RPF2: variants seen among roughly 807,000 people sequenced by gnomAD.
RPF2 encodes brix domain containing 1.
Under a neutral mutation model 38.9 loss-of-function variants are expected in RPF2, and 21 were observed. The observed-to-expected ratio is 0.54, with a 90% CI of 0.38 to 0.78. The LOEUF (loss-of-function observed/expected upper bound fraction) is 0.78, where lower values mean the gene tolerates loss of function less well. Among genes scored for constraint, RPF2 ranks in the 30% least tolerant of loss-of-function variants. The pLI, the probability that RPF2 is intolerant of heterozygous loss-of-function variation, is 0.00. For missense variants in RPF2, 314 were observed against 358.1 expected (o/e 0.88, Z 0.99); for synonymous variants, 121 against 126.2 (o/e 0.96, Z 0.28).
chr6:111,011,304 C>CTT lies in RPF2; in HGVS notation c.493+3169_493+3170dup, dbSNP rs1454902179. Among the ~76,000 whole-genome samples the CTT allele has an allele frequency of 3.7e-4, 42 of 114,340 alleles. No homozygotes were observed. In the East Asian group the frequency reaches 0.026, roughly 70 times the overall value. 75.0% of individuals were successfully genotyped at this position (114,340 alleles called of 152,430 possible). On this transcript the variant is annotated intron_variant, in intron 7 of 9. Transcript: ENST00000441448. ...TCTTTCTTTCTTTCTTTCTTTCTTT[C>CTT]TTTCTTTTTTTTTTTGAGACATAGT...
At chr6:111,007,319 C>CT (rs1453847336) in intron 6 of RPF2, among the ~76,000 whole-genome samples, 1 of 152,106 alleles carries the variant, frequency 6.6e-6, no homozygotes, top group Non-Finnish European at 1.5e-5. Flanking sequence ...TTTGCGTAGA[C>CT]TAATGTTAAA....
intron 1 of RPF2, among the ~76,000 whole-genome samples, chr6:110,983,767 T>C (rs1771471745): frequency 6.6e-6 from 1 of 151,024 alleles, no homozygotes. Context: ...GGCTCACGCC[T>C]GTAATCCCAG....
chr6:110,989,483 C>A (rs1330525172), intron 3 of RPF2, among the ~76,000 whole-genome samples: 1 of 152,036 alleles, frequency 6.6e-6, no homozygotes, highest in East Asian at 1.9e-4. Flanking sequence ...AGACGGAGTC[C>A]TGTTGTCGCC....
At chr6:111,019,507 C>T (rs999544281) in intron 8 of RPF2, among the ~76,000 whole-genome samples, 2 of 151,614 alleles carry the variant, frequency 1.3e-5, no homozygotes, top group African/African-American at 2.4e-5. Flanking sequence ...GAGGCTGAGG[C>T]GGGTGGATCA....
chr6:111,022,062 A>G lies in RPF2; in HGVS notation c.597-2121A>G, dbSNP rs1176427870. ...TTATATCCGTTGGGAAATTTTATTC[A>G]CTATGGAGTCAGAGCCATTAATATG... On this transcript the variant is annotated intron_variant, in intron 8 of 9. Transcript: ENST00000441448. 3.9e-5 allele frequency among the ~76,000 whole-genome samples: 6 copies of G among 152,198 alleles called. No individual in the cohort carries two copies. The South Asian group carries it at 1.2e-3, about 31-fold the overall frequency.
At position 110,982,081 on chromosome 6, in the gene RPF2, G is replaced by T; in HGVS notation, c.-26G>T. On this transcript the variant is annotated 5_prime_UTR_variant, in exon 1 of 10. Transcript: ENST00000441448. ...GCCGAGGGCACGTGCATGCCCCCTG[G>T]TTAAGAGTTGCAGGTAGCGGTAGCG... 6.2e-7 allele frequency: 1 copy of T among 1,614,138 alleles called. No homozygotes were observed. The highest frequency in any genetic ancestry group is 8.5e-7 in the Non-Finnish European group (1 of 1,179,960).
chr6:111,018,289 C>T (rs973259441), intron 8 of RPF2, among the ~76,000 whole-genome samples: 4 of 152,024 alleles, frequency 2.6e-5, no homozygotes, highest in Non-Finnish European at 4.4e-5. Context: ...TTTTTTAAGG[C>T]GTTGGTACTG....
rs1772337141 is a variant in RPF2, at chr6:111,026,839, A to G, written c.*1257A>G. ...CCAGTAATGTTGTAAAGGTACAGAC[A>G]TACGCAAATCATAATTTGTTACATG... On this transcript the variant is annotated 3_prime_UTR_variant, in exon 10 of 10. Coordinates refer to ENST00000441448, the MANE Select transcript of RPF2 (RefSeq NM_032194.3). 1 of 152,226 alleles carries G rather than the reference A, an allele frequency of 6.6e-6. No homozygotes were observed. Among genetic ancestry groups the G allele is most frequent in the Non-Finnish European group, 1.5e-5 (1 of 68,056 alleles). The allele number at this position is 152,226 out of a possible 1,614,324, so 9.4% of individuals were successfully genotyped here.
chr6:110,991,737 A>T lies in RPF2; in HGVS notation c.195-10A>T, dbSNP rs778905959. 9.2e-7 allele frequency: 1 copy of T among 1,085,484 alleles called. No homozygotes were observed. Among genetic ancestry groups the T allele is most frequent in the Non-Finnish European group, 1.3e-6 (1 of 756,806 alleles). 67.2% of individuals were successfully genotyped at this position (1,085,484 alleles called of 1,614,324 possible). On this transcript the variant is annotated splice_polypyrimidine_tract_variant and intron_variant, in intron 3 of 9. Coordinates refer to ENST00000441448, the MANE Select transcript of RPF2 (RefSeq NM_032194.3). ...GATTATTAAAATTGTCACTTTTTTG[A>T]TATTCTTAGGAAAAATATTACAAGA...
intron 8 of RPF2, among the ~76,000 whole-genome samples, chr6:111,019,917 C>T (rs539490079): frequency 2.0e-5 from 3 of 149,026 alleles, no homozygotes; most frequent in East Asian, 4.1e-4. Flanking sequence ...TCTTTTCTTT[C>T]TTTTGTTTTT....
At chr6:111,021,281 A>G (rs906248369) in intron 8 of RPF2, among the ~76,000 whole-genome samples, 10 of 152,242 alleles carry the variant, frequency 6.6e-5, no homozygotes, top group African/African-American at 2.4e-4. Context: ...CATCTTTCAT[A>G]ATGAAAAAAA....
chr6:111,000,411 A>G (rs1187268783), intron 6 of RPF2, among the ~76,000 whole-genome samples: 2 of 152,290 alleles, frequency 1.3e-5, no homozygotes, highest in East Asian at 1.9e-4. Context: ...CCTCTGAATT[A>G]TCACAGCACC....
intron 3 of RPF2, among the ~76,000 whole-genome samples, chr6:110,990,268 T>TC (rs34931053): frequency 0.35 from 53,842 of 151,944 alleles, 10,470 homozygotes; most frequent in East Asian, 0.67. Flanking sequence ...CTTTTTCTCT[T>TC]CAGGATCCCA....
At chr6:111,005,409 T>C (rs1057065635) in intron 6 of RPF2, among the ~76,000 whole-genome samples, 5 of 152,222 alleles carry the variant, frequency 3.3e-5, no homozygotes, top group African/African-American at 1.2e-4. Context: ...TTAAAGAATT[T>C]TTACTATTTC....
chr6:110,989,164 GAT>G (rs1442048102), intron 3 of RPF2, 99 bp downstream of exon 3: 2 of 1,212,076 alleles, frequency 1.7e-6, no homozygotes, highest in African/African-American at 1.7e-5. Flanking sequence ...TTTTTAAAAA[GAT>G]ATTAAAATTC....
rs1265835337 is a variant in RPF2, at chr6:111,027,307, T to A, written c.*1725T>A. 1 of 152,202 alleles carries A rather than the reference T, an allele frequency of 6.6e-6. No individual in the cohort carries two copies. The highest frequency in any genetic ancestry group is 1.5e-5 in the Non-Finnish European group (1 of 68,038). 9.4% of individuals were successfully genotyped at this position (152,202 alleles called of 1,614,324 possible). A position where few individuals can be genotyped will look rare whatever the true frequency, so the allele number is the denominator to read the frequency against. On this transcript the variant is annotated 3_prime_UTR_variant, in exon 10 of 10. Transcript: ENST00000441448. ...GTATCATTTATACTTTTTGTTTGATTATACGTTTAACCAAAGACCATACAG... is the reference window on the plus strand; with the variant it reads ...GTATCATTTATACTTTTTGTTTGATAATACGTTTAACCAAAGACCATACAG...
chr6:110,996,969 C>A (rs920614685), intron 4 of RPF2, among the ~76,000 whole-genome samples: 5 of 151,904 alleles, frequency 3.3e-5, no homozygotes, highest in African/African-American at 1.2e-4. Context: ...ACCTGGCTGT[C>A]TTTTGTATTT....
At chr6:110,998,836 A>G (rs1771764162) in intron 5 of RPF2, among the ~76,000 whole-genome samples, 1 of 151,940 alleles carries the variant, frequency 6.6e-6, no homozygotes, top group Non-Finnish European at 1.5e-5. Context: ...TCCTAGTTAC[A>G]CAGGAGGCTA....
intron 4 of RPF2, among the ~76,000 whole-genome samples, chr6:110,992,322 T>A (rs1260308304): frequency 1.3e-5 from 2 of 151,814 alleles, no homozygotes; most frequent in Admixed American, 6.6e-5. Context: ...AAAAAAAAAA[T>A]ATTTAAAACT....
Sources: allele counts gnomAD v4.1 joint callset (sites outside exome capture counted in the v4.1 genomes callset), GRCh38; gene constraint gnomAD v4.1.1; transcripts MANE v1.5; gene names NCBI Gene and HGNC (gene_info 2026-07-23, HGNC 2026-07-21).